Variants in LUZP2 observed in about 807,000 individuals in gnomAD.
LUZP2 encodes leucine zipper protein 2.
Under a neutral mutation model 51.6 loss-of-function variants are expected in LUZP2, and 52 were observed. The ratio of observed to expected loss-of-function variants is 1.01; its 90% CI spans 0.81 to 1.27. The LOEUF (loss-of-function observed/expected upper bound fraction) is 1.27. Among genes scored for constraint, LUZP2 ranks in the 50% most tolerant of loss-of-function variants. The probability of loss-of-function intolerance (pLI) is 0.00; values close to 1 mark genes in which losing one functional copy is unlikely to be tolerated. For missense variants in LUZP2, 436 were observed against 395.4 expected, an observed-to-expected ratio of 1.10 and a Z score of -0.87; for synonymous variants, 154 against 137.3, an observed-to-expected ratio of 1.12 and a Z score of -0.85.
chr11:25,029,936 A>AT (rs1554957750), intron 9 of LUZP2, among the ~76,000 whole-genome samples: 4 of 151,730 alleles, frequency 2.6e-5, no homozygotes, highest in African/African-American at 9.7e-5. Context: ...CCAAGTAATT[A>AT]TTTTTTATTT....
intron 5 of LUZP2, among the ~76,000 whole-genome samples, chr11:24,826,190 A>AAAATATATATATATATATATATAT (rs1215786412): frequency 5.9e-5 from 4 of 67,548 alleles, no homozygotes; most frequent in African/African-American, 2.4e-4. Flanking sequence ...AAAAAAAAAA[A>AAAATATATATATATATATATATAT]ATATATATAT....
intron 1 of LUZP2, among the ~76,000 whole-genome samples, chr11:24,547,032 C>T (rs768018489): frequency 6.6e-6 from 1 of 151,498 alleles, no homozygotes; most frequent in African/African-American, 2.4e-5. Context: ...AATTCCAGAA[C>T]TCATCATTGG....
At chr11:24,593,375 A>G (rs1853322935) in intron 1 of LUZP2, among the ~76,000 whole-genome samples, 1 of 152,132 alleles carries the variant, frequency 6.6e-6, no homozygotes, top group African/African-American at 2.4e-5. Context: ...CTTGATGATT[A>G]AGCTGCATAG....
chr11:24,536,920 G>C lies in LUZP2; in HGVS notation c.62+39615G>C, dbSNP rs1300706401. On this transcript the variant is annotated intron_variant, in intron 1 of 11. Coordinates refer to ENST00000336930, the MANE Select transcript of LUZP2 (RefSeq NM_001009909.4). ...TTCATTTGAATATTTAGATGCCTTT[G>C]TTGGGTTACTAATTAGTCTAATTCC... is the stretch of plus-strand genomic sequence containing the variant. 2.0e-5 allele frequency among the ~76,000 whole-genome samples: 3 copies of C among 151,758 alleles called. No homozygotes were observed. The Admixed American group carries it at 2.0e-4, about 10-fold the overall frequency.
chr11:24,555,952 T>C (rs1851857005), intron 1 of LUZP2, among the ~76,000 whole-genome samples: 1 of 152,188 alleles, frequency 6.6e-6, no homozygotes, highest in African/African-American at 2.4e-5. Flanking sequence ...CACTCCAGTG[T>C]GGGCAACAGA....
intron 1 of LUZP2, among the ~76,000 whole-genome samples, chr11:24,630,036 G>A (rs1312767921): frequency 6.6e-6 from 1 of 151,474 alleles, no homozygotes; most frequent in Admixed American, 6.6e-5. Flanking sequence ...TGTTTAATGG[G>A]ATTACTTTTT....
chr11:24,622,243 A>AG (rs141612985), intron 1 of LUZP2, among the ~76,000 whole-genome samples: 35,188 of 150,920 alleles, frequency 0.23, 4,377 homozygotes, highest in East Asian at 0.33. Context: ...CTCGTCATTT[A>AG]CATTAGGTAT....
At chr11:25,003,846 A>G (rs1856761600) in intron 9 of LUZP2, among the ~76,000 whole-genome samples, 1 of 152,126 alleles carries the variant, frequency 6.6e-6, no homozygotes, top group Non-Finnish European at 1.5e-5. Flanking sequence ...TTTGGCTAAT[A>G]TATCTGTCCC....
chr11:24,844,995 GC>G (rs71044310), intron 5 of LUZP2, among the ~76,000 whole-genome samples: 152,258 of 152,258 alleles, frequency 1, 76,129 homozygotes, highest in Non-Finnish European at 1. Flanking sequence ...TGGGGCCACA[GC>G]CCCCCACACA....
intron 5 of LUZP2, among the ~76,000 whole-genome samples, chr11:24,859,903 G>T (rs12222404): frequency 3.3e-5 from 5 of 152,028 alleles, no homozygotes; most frequent in African/African-American, 4.8e-5. Flanking sequence ...CCCAGAACAC[G>T]CTGTCTTACA....
intron 1 of LUZP2, among the ~76,000 whole-genome samples, chr11:24,704,491 T>A (rs1340646270): frequency 6.6e-6 from 1 of 151,758 alleles, no homozygotes; most frequent in Non-Finnish European, 1.5e-5. Context: ...TTTGACATAT[T>A]TTTGTGTGTA....
intron 1 of LUZP2, among the ~76,000 whole-genome samples, chr11:24,565,513 T>G (rs1387719753): frequency 6.6e-6 from 1 of 152,150 alleles, no homozygotes; most frequent in Non-Finnish European, 1.5e-5. Flanking sequence ...AAAAAGCATC[T>G]GTTATGACCA....
chr11:24,794,063 A>G (rs76628535), intron 5 of LUZP2, among the ~76,000 whole-genome samples: 2,901 of 152,200 alleles, frequency 0.019, 93 homozygotes, highest in African/African-American at 0.067. Context: ...GTAGATAAAT[A>G]TAATGCCTTT....
chr11:24,589,092 A>G (rs145619362), intron 1 of LUZP2, among the ~76,000 whole-genome samples: 102 of 152,214 alleles, frequency 6.7e-4, no homozygotes, highest in African/African-American at 2.2e-3. Flanking sequence ...ACCCCCAGCA[A>G]TCTCAGAGCT....
chr11:24,771,761 T>TC (rs1251773250), intron 5 of LUZP2, among the ~76,000 whole-genome samples: 9 of 152,014 alleles, frequency 5.9e-5, no homozygotes, highest in Non-Finnish European at 1.3e-4. Flanking sequence ...GGGGCAGTTT[T>TC]CCCCGTACTG....
chr11:24,725,619 A>C (rs1186204139), intron 1 of LUZP2, among the ~76,000 whole-genome samples: 3 of 152,102 alleles, frequency 2.0e-5, no homozygotes, highest in Admixed American at 6.6e-5. Flanking sequence ...TGTAAATACC[A>C]ATAAGAGGTA....
intron 5 of LUZP2, among the ~76,000 whole-genome samples, chr11:24,837,844 A>G (rs889946066): frequency 1.3e-5 from 2 of 151,526 alleles, no homozygotes; most frequent in Admixed American, 6.6e-5. Flanking sequence ...TTAGTATTGT[A>G]TTTGCTAGTT....
At chr11:25,018,408 A>G (rs1031340002) in intron 9 of LUZP2, among the ~76,000 whole-genome samples, 1 of 152,062 alleles carries the variant, frequency 6.6e-6, no homozygotes, top group African/African-American at 2.4e-5. Flanking sequence ...TTTAAACTCC[A>G]CTTTCTGAAA....
intron 5 of LUZP2, among the ~76,000 whole-genome samples, chr11:24,770,842 A>G (rs1283475774): frequency 1.3e-5 from 2 of 152,190 alleles, no homozygotes; most frequent in African/African-American, 4.8e-5. Context: ...GTTGTACCTT[A>G]GAAAAAACTC....
Sources: gnomAD v4.1 joint callset for allele counts (sites outside exome capture counted in the v4.1 genomes callset) on GRCh38, gnomAD v4.1.1 for gene constraint, MANE v1.5 for transcripts, NCBI Gene and HGNC (gene_info 2026-07-23, HGNC 2026-07-21) for gene names.